Variants in FBXL17 observed in about 807,000 individuals in gnomAD.
FBXL17 encodes the protein F-box and leucine rich repeat protein 17.
FBXL17 carries 22 observed loss-of-function variants against 66.2 expected under a neutral mutation model. That is an observed-to-expected ratio of 0.33 (90% confidence interval 0.24 to 0.47). The LOEUF (loss-of-function observed/expected upper bound fraction) is 0.47. Ranked by LOEUF, FBXL17 falls within the 20% of genes least tolerant of loss-of-function variation. FBXL17 has a pLI of 1.00. For missense variants in FBXL17, 878 were observed against 948.2 expected, an observed-to-expected ratio of 0.93 and a Z score of 0.97; for synonymous variants, 474 against 400.5, an observed-to-expected ratio of 1.18 and a Z score of -2.19.
chr5:108,224,018 T>C, intron 5 of FBXL17, 103 bp downstream of exon 5: 2 of 451,868 alleles, frequency 4.4e-6, no homozygotes, highest in East Asian at 3.3e-5. Flanking sequence ...AGTAGGCTTC[T>C]ATAATGGTCT....
chr5:108,076,299 G>A (rs944728777), intron 6 of FBXL17, among the ~76,000 whole-genome samples: 1 of 152,126 alleles, frequency 6.6e-6, no homozygotes, highest in Non-Finnish European at 1.5e-5. Context: ...GTGGATCTTG[G>A]CCATGCTAGG....
intron 7 of FBXL17, among the ~76,000 whole-genome samples, chr5:107,964,811 G>C (rs1318402274): frequency 6.6e-6 from 1 of 152,090 alleles, no homozygotes; most frequent in Non-Finnish European, 1.5e-5. Context: ...GGGATGGCTG[G>C]CTAATTGGGG....
chr5:108,374,863 T>C lies in FBXL17; in HGVS notation c.993+5836A>G, dbSNP rs1402823953. Among the ~76,000 whole-genome samples, 6 of 152,178 alleles carry C rather than the reference T, an allele frequency of 3.9e-5. No individual in the cohort carries two copies. In the East Asian group the frequency reaches 1.2e-3, roughly 29 times the overall value. ...AAACAAACACATATAGCAAAATCTA[T>C]GGGATACAGAAACAAGTAACTACAT... On this transcript the variant is annotated intron_variant, in intron 1 of 8. Coordinates refer to ENST00000542267, the MANE Select transcript of FBXL17 (RefSeq NM_001163315.3).
chr5:107,905,876 T>C (rs1749738307), intron 7 of FBXL17, among the ~76,000 whole-genome samples: 1 of 152,192 alleles, frequency 6.6e-6, no homozygotes, highest in South Asian at 2.1e-4. Flanking sequence ...TACAGCCTCC[T>C]GTGGTAATTT....
intron 8 of FBXL17, among the ~76,000 whole-genome samples, chr5:107,863,852 C>A (rs1168386133): frequency 6.6e-6 from 1 of 152,174 alleles, no homozygotes; most frequent in African/African-American, 2.4e-5. Context: ...AGCAACCCAA[C>A]CCAGAAGGTT....
chr5:108,170,531 A>ACTATT (rs1752568504), intron 6 of FBXL17, among the ~76,000 whole-genome samples: 1 of 152,004 alleles, frequency 6.6e-6, no homozygotes, highest in African/African-American at 2.4e-5. Flanking sequence ...TTATTATAAG[A>ACTATT]CTATTTTTTT....
chr5:108,321,976 C>T (rs540229669), intron 4 of FBXL17, among the ~76,000 whole-genome samples: 92 of 151,876 alleles, frequency 6.1e-4, no homozygotes, highest in South Asian at 3.3e-3. Flanking sequence ...ATAAGAGAAA[C>T]GCAAATTAAA....
chr5:108,299,906 G>A (rs938542377), intron 4 of FBXL17: 1 of 795,542 alleles, frequency 1.3e-6, no homozygotes, highest in African/African-American at 1.9e-5. Context: ...AAAATGATGG[G>A]TAAATAAAGC....
intron 6 of FBXL17, among the ~76,000 whole-genome samples, chr5:108,043,558 G>A (rs530201748): frequency 5.9e-5 from 9 of 152,100 alleles, no homozygotes; most frequent in Non-Finnish European, 1.3e-4. Flanking sequence ...TCCTTTCTGA[G>A]TTTCCTGTTC....
At chr5:108,224,082 T>C in intron 5 of FBXL17, 39 bp downstream of exon 5, 1 of 1,050,860 alleles carries the variant, frequency 9.5e-7, no homozygotes, top group Non-Finnish European at 1.5e-6. Context: ...ACCTGTATGA[T>C]ACTCAAAAAT....
At chr5:107,984,372 A>T (rs537198804) in intron 7 of FBXL17, among the ~76,000 whole-genome samples, 1 of 152,350 alleles carries the variant, frequency 6.6e-6, no homozygotes, top group African/African-American at 2.4e-5. Context: ...TACTATTAAC[A>T]AGTGAGCACA....
intron 1 of FBXL17, among the ~76,000 whole-genome samples, chr5:108,371,934 A>G (rs1377249844): frequency 1.3e-5 from 2 of 152,046 alleles, no homozygotes; most frequent in Admixed American, 1.3e-4. Context: ...CCAAACTCAA[A>G]TTTTTACACA....
intron 7 of FBXL17, among the ~76,000 whole-genome samples, chr5:107,976,916 A>C (rs1328239484): frequency 6.6e-6 from 1 of 152,230 alleles, no homozygotes; most frequent in Non-Finnish European, 1.5e-5. Flanking sequence ...AATGAGATAC[A>C]TTTTAAATCC....
At chr5:108,308,352 A>G (rs1161454724) in intron 4 of FBXL17, among the ~76,000 whole-genome samples, 1 of 152,134 alleles carries the variant, frequency 6.6e-6, no homozygotes, top group Non-Finnish European at 1.5e-5. Context: ...TAATAATCCT[A>G]TAAGGAAAAT....
At chr5:108,352,470 CTCTA>C (rs1392847084) in intron 3 of FBXL17, among the ~76,000 whole-genome samples, 2 of 152,202 alleles carry the variant, frequency 1.3e-5, no homozygotes, top group Admixed American at 1.3e-4. Context: ...ACAATTAGTA[CTCTA>C]TCTAAAAACC....
chr5:108,233,251 T>C (rs190860173), intron 4 of FBXL17, among the ~76,000 whole-genome samples: 11 of 152,284 alleles, frequency 7.2e-5, no homozygotes, highest in Admixed American at 7.2e-4. Context: ...TTTAGGTCTA[T>C]GATGTTCTCA....
At chr5:108,009,081 C>G (rs1177614886) in intron 7 of FBXL17, among the ~76,000 whole-genome samples, 1 of 149,352 alleles carries the variant, frequency 6.7e-6, no homozygotes, top group Non-Finnish European at 1.5e-5. Context: ...CAGTACATAG[C>G]TAGTTTTCCA....
chr5:108,243,054 T>G (rs1755932405), intron 4 of FBXL17, among the ~76,000 whole-genome samples: 1 of 152,242 alleles, frequency 6.6e-6, no homozygotes, highest in African/African-American at 2.4e-5. Context: ...ATTGTTTATT[T>G]GAACTTCCCT....
intron 4 of FBXL17, among the ~76,000 whole-genome samples, chr5:108,275,995 T>A (rs2966788): frequency 0.78 from 118,395 of 152,152 alleles, 46,797 homozygotes; most frequent in East Asian, 0.93. Flanking sequence ...AGAGACATTA[T>A]GCATAAAATT....
Sources: allele counts gnomAD v4.1 joint callset (sites outside exome capture counted in the v4.1 genomes callset), GRCh38; gene constraint gnomAD v4.1.1; transcripts MANE v1.5; gene names NCBI Gene and HGNC (gene_info 2026-07-23, HGNC 2026-07-21).